LRRC66: variants seen among roughly 807,000 people sequenced by gnomAD.
LRRC66 encodes the protein leucine-rich repeat-containing protein 66.
In LRRC66, 29 loss-of-function variants were observed where a neutral mutation model predicts 24.6. That is an observed-to-expected ratio of 1.18 (90% CI 0.88 to 1.61). The LOEUF (loss-of-function observed/expected upper bound fraction) is 1.61. Ranked by LOEUF, LRRC66 falls within the 40% of genes most tolerant of loss-of-function variation. The pLI is 0.00. For synonymous variants in LRRC66, 411 were observed against 397.6 expected, an observed-to-expected ratio of 1.03 and a Z score of -0.40; for missense variants, 1,124 against 1,058.0, an observed-to-expected ratio of 1.06 and a Z score of -0.87.
Position 52,017,542 on chromosome 4 carries a change from T to A in LRRC66, c.72A>T (p.Ala24=), listed in dbSNP as rs1414687107. 2 of 1,611,626 alleles carry A rather than the reference T, an allele frequency of 1.2e-6. No homozygotes were observed. The highest frequency in any genetic ancestry group is 1.3e-5 in the African/African-American group (1 of 74,900). Residue 24 remains alanine, a synonymous_variant, in exon 2 of 5, where the codon GCA becomes GCT. Transcript: ENST00000682860. ...TGAATAAAATATTGCTTTTTCTTGA[T>A]GCATTTGTCATTATTCCAGTAAAAT... The part of the protein sequence containing the change: ...GLYFTGIMTN[A]SRKSNILFNS...
chr4:52,017,094 C>A, intron 2 of LRRC66, 24 bp downstream of exon 2: 1 of 1,574,316 alleles, frequency 6.4e-7, no homozygotes, highest in South Asian at 1.2e-5. Context: ...CATTGTTTCT[C>A]TGCCTAGTTA....
chr4:51,995,281 A>C lies in LRRC66; in HGVS notation c.1741T>G (p.Ser581Ala). ...YDSNELDPSL[S>A]GEITASLCKM... is the part of the protein sequence containing the mutation. ...CAGAGGGAAGCTGTTATTTCTCCGG[A>C]GAGGGAAGGGTCTAATTCATTGGAA... Residue 581 changes from serine to alanine, a missense_variant, in exon 5 of 5, where the codon TCC becomes GCC. Ser to Ala is a moderately conservative substitution (Grantham distance 99). Coordinates refer to ENST00000682860, the MANE Select transcript of LRRC66 (RefSeq NM_001024611.3). 6.2e-7 allele frequency: 1 copy of C among 1,614,074 alleles called. No homozygotes were observed. Among genetic ancestry groups the C allele is most frequent in the Non-Finnish European group, 8.5e-7 (1 of 1,180,020 alleles).
At chr4:51,999,646 G>A (rs571877238) in intron 3 of LRRC66, among the ~76,000 whole-genome samples, 45 of 152,048 alleles carry the variant, frequency 3.0e-4, no homozygotes, top group Middle Eastern at 3.4e-3. Context: ...TTGTCCTAGC[G>A]TCTTATTATA....
rs772288035 is a variant in LRRC66, at chr4:51,995,548, C to G, written c.1474G>C (p.Gly492Arg). The change falls in exon 5 of 5, where the codon GGG becomes CGG. Residue 492 changes from glycine to arginine, a missense_variant. Coordinates refer to ENST00000682860, the MANE Select transcript of LRRC66 (RefSeq NM_001024611.3). ...PGSSQSPGQC[G>R]DNTGAGSGND... ...CCACTTCCTGCCCCGGTGTTGTCCC[C>G]GCACTGTCCTGGGCTCTGCGAACTG... 1 of 1,614,178 alleles carries G rather than the reference C, an allele frequency of 6.2e-7. No individual in the cohort carries two copies. Among genetic ancestry groups the G allele is most frequent in the South Asian group, 1.1e-5 (1 of 91,080 alleles).
At chr4:52,010,387 T>A (rs1233858057) in intron 2 of LRRC66, among the ~76,000 whole-genome samples, 2 of 152,190 alleles carry the variant, frequency 1.3e-5, no homozygotes, top group Non-Finnish European at 2.9e-5. Flanking sequence ...TATTGCCTGA[T>A]GCTGAGGGTT....
Position 51,994,740 on chromosome 4 carries a change from G to A in LRRC66, c.2282C>T (p.Thr761Ile), listed in dbSNP as rs772677749. The change falls in exon 5 of 5, where the codon ACA (threonine) becomes ATA (isoleucine). Residue 761 changes from threonine (T) to isoleucine (I), a missense_variant. Coordinates refer to ENST00000682860, the MANE Select transcript of LRRC66 (RefSeq NM_001024611.3). ...DSLEENVTFQ[T>I]IPGKCKNQED... Reference sequence around the variant, plus strand: ...TTGATTCTTGCATTTCCCTGGAATTGTTTGGAAGGTAACATTTTCCTCAAG... The same window carrying A: ...TTGATTCTTGCATTTCCCTGGAATTATTTGGAAGGTAACATTTTCCTCAAG... 6.8e-6 allele frequency: 11 copies of A among 1,614,090 alleles called. No homozygotes were observed. The East Asian group carries it at 2.5e-4, about 36-fold the overall frequency.
chr4:52,011,096 C>T (rs1010072626), intron 2 of LRRC66, among the ~76,000 whole-genome samples: 2 of 152,062 alleles, frequency 1.3e-5, no homozygotes, highest in African/African-American at 2.4e-5. Flanking sequence ...GAAGCTTTTG[C>T]GGTGACAGAC....
chr4:52,017,724 T>C (rs1190195137), intron 1 of LRRC66, 106 bp from the exon 2 acceptor site: 105 of 1,380,906 alleles, frequency 7.6e-5, no homozygotes, highest in Non-Finnish European at 9.0e-5. Flanking sequence ...AGTTATCTTG[T>C]CTTGGTTGCC....
At chr4:52,001,704 T>C (rs1241106600) in intron 3 of LRRC66, among the ~76,000 whole-genome samples, 1 of 152,216 alleles carries the variant, frequency 6.6e-6, no homozygotes, top group Non-Finnish European at 1.5e-5. Context: ...AGGCTAGGTT[T>C]AAGCCCAGGC....
chr4:51,998,556 C>A (rs1167690585), intron 3 of LRRC66, among the ~76,000 whole-genome samples: 1 of 152,214 alleles, frequency 6.6e-6, no homozygotes, highest in Non-Finnish European at 1.5e-5. Context: ...AGAGAGAGAT[C>A]TTTTGAATCA....
chr4:52,007,238 G>T (rs1180043635), intron 2 of LRRC66, among the ~76,000 whole-genome samples: 1 of 152,188 alleles, frequency 6.6e-6, no homozygotes, highest in Non-Finnish European at 1.5e-5. Flanking sequence ...AAATGCAATG[G>T]CACAATCATA....
chr4:52,008,187 A>C lies in LRRC66; in HGVS notation c.497-4795T>G, dbSNP rs114559939. Among the ~76,000 whole-genome samples the C allele has an allele frequency of 3.9e-5, 6 of 152,192 alleles. No homozygotes were observed. In the South Asian group the frequency reaches 6.2e-4, roughly 16 times the overall value. On this transcript the variant is annotated intron_variant, in intron 2 of 4. Coordinates refer to ENST00000682860, the MANE Select transcript of LRRC66 (RefSeq NM_001024611.3). ...CCCAACTCTGGTCTGCAGAAAATCC[A>C]GGTCATGATACCTAGCTGGCCCTGA...
rs183523929 is a variant in LRRC66 at position 52,003,334 on chromosome 4, T to C, written c.555A>G (p.Gln185=). 8.7e-6 allele frequency: 14 copies of C among 1,613,898 alleles called. No homozygotes were observed. In the East Asian group the frequency reaches 3.1e-4, roughly 36 times the overall value. ...SLDLSFNGIL[Q]IGWSDFHNCL... ...AGTTGTGAAAATCAGACCACCCTATTTGCAATATCCCATTGAATGACAGAT... is the reference window on the plus strand; with the variant it reads ...AGTTGTGAAAATCAGACCACCCTATCTGCAATATCCCATTGAATGACAGAT... Residue 185 remains glutamine (Q), a synonymous_variant, in exon 3 of 5, where the codon CAA becomes CAG. Coordinates refer to ENST00000682860, the MANE Select transcript of LRRC66 (RefSeq NM_001024611.3).
Position 51,995,877 on chromosome 4 carries a change from G to A in LRRC66, c.1145C>T (p.Ser382Leu), listed in dbSNP as rs781526928. The A allele has an allele frequency of 1.2e-6, 2 of 1,614,136 alleles. No homozygotes were observed. Among genetic ancestry groups the A allele is most frequent in the Non-Finnish European group, 1.7e-6 (2 of 1,180,030 alleles). The change falls in exon 5 of 5, where the codon TCA becomes TTA. Residue 382 changes from serine (S) to leucine (L), a missense_variant. Ser to Leu is a moderately radical substitution (Grantham distance 145, BLOSUM62 -2). Transcript: ENST00000682860. ...GGCGACAAGGAATGTGATGAACACT[G>A]ACAGGCACACCGCCAGAGCCAGGTC... ...PQDLALAVCLSVFITFLVAFS... is the reference protein window; with the variant it reads ...PQDLALAVCLLVFITFLVAFS...
intron 2 of LRRC66, among the ~76,000 whole-genome samples, chr4:52,010,749 T>C (rs184687029): frequency 1.3e-4 from 20 of 152,282 alleles, no homozygotes; most frequent in Non-Finnish European, 2.1e-4. Context: ...CTATTGTGAT[T>C]GGTGCTGTGA....
intron 2 of LRRC66, among the ~76,000 whole-genome samples, chr4:52,011,778 T>C (rs1476560518): frequency 3.3e-5 from 5 of 152,222 alleles, no homozygotes; most frequent in African/African-American, 9.6e-5. Flanking sequence ...ACCTACCCTA[T>C]ACATATACTT....
chr4:51,999,502 G>GA (rs1357636650), intron 3 of LRRC66, among the ~76,000 whole-genome samples: 1 of 152,100 alleles, frequency 6.6e-6, no homozygotes, highest in Non-Finnish European at 1.5e-5. Flanking sequence ...GGATTGGAAA[G>GA]AAAAAATACT....
intron 2 of LRRC66, among the ~76,000 whole-genome samples, chr4:52,009,730 G>A (rs1736656841): frequency 6.6e-6 from 1 of 152,096 alleles, no homozygotes; most frequent in African/African-American, 2.4e-5. Flanking sequence ...CTCCTGTTCA[G>A]ATAGCTTCAC....
At chr4:52,007,908 T>G (rs1201989816) in intron 2 of LRRC66, among the ~76,000 whole-genome samples, 2 of 152,118 alleles carry the variant, frequency 1.3e-5, no homozygotes, top group African/African-American at 4.8e-5. Context: ...ACTTTCAAGA[T>G]AATAGGGACG....
Sources: allele counts gnomAD v4.1 joint callset (sites outside exome capture counted in the v4.1 genomes callset), GRCh38; gene constraint gnomAD v4.1.1; transcripts MANE v1.5; gene names NCBI Gene and HGNC (gene_info 2026-07-23, HGNC 2026-07-21).